DGKB: variants seen among roughly 807,000 people sequenced by gnomAD.
DGKB encodes the protein diacylglycerol kinase beta.
DGKB carries 67 observed loss-of-function variants against 114.3 expected under a neutral mutation model. The observed-to-expected ratio is 0.59, with a 90% CI of 0.48 to 0.72. The LOEUF (loss-of-function observed/expected upper bound fraction) is 0.72. DGKB is among the 30% of genes least tolerant of loss of function. The probability of loss-of-function intolerance (pLI) is 0.00; values close to 1 mark genes in which losing one functional copy is unlikely to be tolerated. For synonymous variants in DGKB, 398 were observed against 323.1 expected (o/e 1.23, Z -2.49); for missense variants, 907 against 975.2 (o/e 0.93, Z 0.93).
chr7:14,275,546 A>T (rs1442050358), intron 23 of DGKB, among the ~76,000 whole-genome samples: 1 of 152,214 alleles, frequency 6.6e-6, no homozygotes, highest in East Asian at 1.9e-4. Flanking sequence ...TGTGGGAATG[A>T]GTCAAATAGT....
chr7:14,512,795 A>G (rs974395360), intron 20 of DGKB, among the ~76,000 whole-genome samples: 2 of 152,122 alleles, frequency 1.3e-5, no homozygotes, highest in Non-Finnish European at 2.9e-5. Flanking sequence ...CAGGTTTTGA[A>G]ACACCAGAAA....
intron 4 of DGKB, among the ~76,000 whole-genome samples, chr7:14,743,931 C>T (rs1917551): frequency 0.64 from 97,429 of 151,556 alleles, 34,992 homozygotes; most frequent in Non-Finnish European, 0.81. Context: ...GACTCTAACA[C>T]TGGACTAAAG....
chr7:14,851,489 A>G (rs991771997), intron 1 of DGKB, among the ~76,000 whole-genome samples: 3 of 152,152 alleles, frequency 2.0e-5, no homozygotes, highest in Non-Finnish European at 4.4e-5. Context: ...AATCTTCTCA[A>G]TATGAAATAA....
intron 2 of DGKB, among the ~76,000 whole-genome samples, chr7:14,767,877 C>T (rs1836705424): frequency 1.3e-5 from 2 of 151,800 alleles, no homozygotes; most frequent in African/African-American, 2.4e-5. Flanking sequence ...ATGTGGGTTG[C>T]AAAACACTTA....
rs763127417 is a variant in DGKB, at chr7:14,841,242, C to T, written c.22G>A (p.Ala8Thr). Reference protein sequence around the residue: MTNQEKWAHLSPSEFSQL... With the variant: MTNQEKWTHLSPSEFSQL... ...GAAAATTCCGAAGGGCTGAGGTGGG[C>T]CCATTTTTCCTGGTTTGTCATGGTG... The change falls in exon 2 of 26, where the codon GCC (alanine) becomes ACC (threonine). Residue 8 changes from alanine to threonine, a missense_variant. Around this residue, in one of 3 missense-constraint regions of DGKB, gnomAD observed 814 missense variants for 856.6 expected, o/e 0.95. Coordinates refer to ENST00000402815, the MANE Select transcript of DGKB (RefSeq NM_001350709.2). 1 of 1,613,422 alleles carries T rather than the reference C, an allele frequency of 6.2e-7. No individual in the cohort carries two copies. The highest frequency in any genetic ancestry group is 8.5e-7 in the Non-Finnish European group (1 of 1,179,654).
chr7:14,370,915 T>C (rs1817522940), intron 21 of DGKB, among the ~76,000 whole-genome samples: 1 of 152,190 alleles, frequency 6.6e-6, no homozygotes, highest in Non-Finnish European at 1.5e-5. Flanking sequence ...GAACATGTGG[T>C]ATTTGGTTTT....
rs185196386 is a variant in DGKB, at chr7:14,395,987, T to C, written c.1836-50596A>G. On this transcript the variant is annotated intron_variant, in intron 21 of 25. Coordinates refer to ENST00000402815, the MANE Select transcript of DGKB (RefSeq NM_001350709.2). ...TACATTTGAAGGACTGCTTTCAATA[T>C]AACTTTCCTCATTATGAGTCATCAA... 2.8e-3 allele frequency among the ~76,000 whole-genome samples: 432 copies of C among 152,190 alleles called. 2 individuals are homozygous for C. The highest frequency in any genetic ancestry group is 5.6e-3 in the South Asian group (27 of 4,822).
intron 1 of DGKB, among the ~76,000 whole-genome samples, chr7:14,847,090 A>G (rs938403283): frequency 2.4e-4 from 37 of 152,102 alleles, no homozygotes; most frequent in African/African-American, 8.9e-4. Flanking sequence ...GGAGATCGAG[A>G]CCATCCTGGC....
chr7:14,168,698 A>G (rs1237400012), intron 25 of DGKB, among the ~76,000 whole-genome samples: 1 of 152,236 alleles, frequency 6.6e-6, no homozygotes, highest in Non-Finnish European at 1.5e-5. Flanking sequence ...AAATGCTTAC[A>G]ATTAAGTCAG....
At chr7:14,930,234 AT>A (rs1784946630) in intron 1 of DGKB, among the ~76,000 whole-genome samples, 1 of 151,936 alleles carries the variant, frequency 6.6e-6, no homozygotes, top group Admixed American at 6.6e-5. Context: ...GAATTTTAGG[AT>A]TTTTTTCTAA....
intron 2 of DGKB, among the ~76,000 whole-genome samples, chr7:14,781,175 A>G (rs1046367853): frequency 1.3e-5 from 2 of 152,206 alleles, no homozygotes; most frequent in Admixed American, 6.5e-5. Flanking sequence ...TGTGTGGTTG[A>G]GCAAGGGGCC....
At chr7:14,408,808 T>C (rs191076322) in intron 21 of DGKB, among the ~76,000 whole-genome samples, 1 of 152,144 alleles carries the variant, frequency 6.6e-6, no homozygotes, top group African/African-American at 2.4e-5. Flanking sequence ...AACAAATATA[T>C]TGTAAAACTT....
intron 8 of DGKB, among the ~76,000 whole-genome samples, chr7:14,697,269 T>C (rs1255159523): frequency 1.3e-5 from 2 of 152,180 alleles, no homozygotes; most frequent in African/African-American, 4.8e-5. Flanking sequence ...TTTGGGCAAG[T>C]AATTTTAACA....
chr7:14,535,847 C>T lies in DGKB; in HGVS notation c.1770+38365G>A, dbSNP rs112828322. Among the ~76,000 whole-genome samples, 735 of 152,050 alleles carry T rather than the reference C, an allele frequency of 4.8e-3. 9 individuals are homozygous for T. The highest frequency in any genetic ancestry group is 0.017 in the African/African-American group (703 of 41,486). On this transcript the variant is annotated intron_variant, in intron 20 of 25. Coordinates refer to ENST00000402815, the MANE Select transcript of DGKB (RefSeq NM_001350709.2). ...TGATCCACCCCCCTCAGCCTCCCATCGTACTGGGATTATAGGCATGAGCCA... is the reference window on the plus strand; with the variant it reads ...TGATCCACCCCCCTCAGCCTCCCATTGTACTGGGATTATAGGCATGAGCCA...
intron 1 of DGKB, among the ~76,000 whole-genome samples, chr7:14,958,426 AAC>A (rs754087921): frequency 0.068 from 8,343 of 122,720 alleles, 291 homozygotes; most frequent in Admixed American, 0.11. Flanking sequence ...TACCTCTCCC[AAC>A]ACACACACAC....
At chr7:14,949,994 C>G (rs948533398) in intron 1 of DGKB, among the ~76,000 whole-genome samples, 9 of 151,652 alleles carry the variant, frequency 5.9e-5, no homozygotes, top group African/African-American at 1.9e-4. Context: ...GGAGATATAC[C>G]TAATGTAAAT....
intron 13 of DGKB, among the ~76,000 whole-genome samples, chr7:14,647,811 G>A (rs1813398943): frequency 6.6e-6 from 1 of 152,228 alleles, no homozygotes; most frequent in African/African-American, 2.4e-5. Context: ...CCGAAGCAGG[G>A]CGAGGCATTG....
At chr7:14,763,822 T>C (rs1270633397) in intron 2 of DGKB, among the ~76,000 whole-genome samples, 1 of 152,040 alleles carries the variant, frequency 6.6e-6, no homozygotes, top group Non-Finnish European at 1.5e-5. Flanking sequence ...TTGTAAATAA[T>C]GTGTTTTTAG....
intron 5 of DGKB, among the ~76,000 whole-genome samples, chr7:14,726,555 C>G (rs763829101): frequency 5.9e-5 from 9 of 152,158 alleles, no homozygotes; most frequent in Admixed American, 3.3e-4. Context: ...GTTTTCAAGA[C>G]TCTTAAGGGT....
Sources: gnomAD v4.1 joint callset for allele counts (sites outside exome capture counted in the v4.1 genomes callset) on GRCh38, gnomAD v4.1.1 for gene constraint, gnomAD v4.1.1 regional missense constraint, MANE v1.5 for transcripts, NCBI Gene and HGNC (gene_info 2026-07-23, HGNC 2026-07-21) for gene names.